Variants in OOEP observed in about 807,000 individuals in gnomAD.
OOEP encodes oocyte-expressed protein homolog.
OOEP carries 16 observed loss-of-function variants against 13.7 expected under a neutral mutation model. The ratio of observed to expected loss-of-function variants is 1.16; its 90% confidence interval spans 0.79 to 1.77. The LOEUF (loss-of-function observed/expected upper bound fraction) is 1.77, where lower values mean the gene tolerates loss of function less well. OOEP is among the 40% of genes most tolerant of loss of function. The pLI, the probability that OOEP is intolerant of heterozygous loss-of-function variation, is 0.00. For missense variants in OOEP, 195 were observed against 193.1 expected (o/e 1.01, Z -0.06); for synonymous variants, 89 against 77.1 (o/e 1.15, Z -0.81).
intron 2 of OOEP, among the ~76,000 whole-genome samples, chr6:73,375,665 A>G (rs1044073652): frequency 6.7e-6 from 1 of 149,638 alleles, no homozygotes; most frequent in African/African-American, 2.5e-5. Context: ...ATATAACTAT[A>G]TCCTGAGAGA....
At chr6:73,390,519 T>C in intron 2 of OOEP, among the ~76,000 whole-genome samples, 1 of 152,214 alleles carries the variant, frequency 6.6e-6, no homozygotes, top group Middle Eastern at 3.4e-3. Flanking sequence ...GTTATTCTAC[T>C]TTATTATTTT....
intron 1 of OOEP, chr6:73,394,506 A>T (rs898513030): frequency 3.2e-6 from 2 of 615,542 alleles, no homozygotes; most frequent in Non-Finnish European, 5.7e-6. Flanking sequence ...AAAAGAAAAA[A>T]AAAAGTTTCC....
chr6:73,383,399 G>A (rs1769233323), intron 2 of OOEP, among the ~76,000 whole-genome samples: 1 of 152,202 alleles, frequency 6.6e-6, no homozygotes, highest in Non-Finnish European at 1.5e-5. Flanking sequence ...ACTTTGGTAG[G>A]CCGAGGTGGG....
intron 2 of OOEP, chr6:73,387,498 G>A (rs1006622354): frequency 6.6e-6 from 1 of 152,064 alleles, no homozygotes; most frequent in African/African-American, 2.4e-5. Flanking sequence ...TGAGTGACAA[G>A]AGCAAAACTC....
intron 2 of OOEP, chr6:73,394,308 TTA>T: frequency 1.4e-6 from 1 of 714,556 alleles, no homozygotes; most frequent in Non-Finnish European, 2.6e-6. Flanking sequence ...TTCAAGTTTT[TTA>T]TGTGTGGATT....
chr6:73,377,690 CAG>C (rs776330072), intron 2 of OOEP, among the ~76,000 whole-genome samples: 3 of 152,134 alleles, frequency 2.0e-5, no homozygotes, highest in African/African-American at 7.2e-5. Context: ...CATTCATTGA[CAG>C]AGTCTTACTC....
At chr6:73,375,180 G>A (rs139019289) in intron 2 of OOEP, among the ~76,000 whole-genome samples, 69 of 152,244 alleles carry the variant, frequency 4.5e-4, no homozygotes, top group African/African-American at 1.6e-3. Flanking sequence ...AGTAGCTTTG[G>A]TTGTATTTAA....
At chr6:73,380,827 G>A (rs1156988872) in intron 2 of OOEP, among the ~76,000 whole-genome samples, 2 of 151,934 alleles carry the variant, frequency 1.3e-5, no homozygotes, top group Non-Finnish European at 2.9e-5. Flanking sequence ...AGAAGATGAA[G>A]TAAGTTGAGT....
At chr6:73,371,757 A>AAT (rs1562277203), upstream of OOEP, among the ~76,000 whole-genome samples, 1 of 71,408 alleles carries the variant, frequency 1.4e-5, no homozygotes, top group African/African-American at 4.4e-5. Flanking sequence ...TCTCAAAAAT[A>AAT]AAAAAAAATA....
upstream of OOEP, among the ~76,000 whole-genome samples, chr6:73,371,385 TTGAG>T (rs1318803945): frequency 3.3e-5 from 5 of 151,968 alleles, no homozygotes; most frequent in Non-Finnish European, 7.4e-5. Context: ...GGAGGATCAC[TTGAG>T]GTCAGGAGTT....
At chr6:73,369,472 G>C (rs1421221448) in intron 1 of OOEP, 87 bp from the exon 2 acceptor site, 8 of 1,499,870 alleles carry the variant, frequency 5.3e-6, no homozygotes, top group Non-Finnish European at 7.3e-6. Flanking sequence ...GGGAAGGGAA[G>C]AACTGGAAGG....
chr6:73,375,917 G>A (rs533087475), intron 2 of OOEP, among the ~76,000 whole-genome samples: 60 of 150,562 alleles, frequency 4.0e-4, no homozygotes, highest in Admixed American at 6.0e-4. Context: ...TCAGCCTCCC[G>A]AGTAGCTGGG....
At position 73,378,400 on chromosome 6, in the gene OOEP, G is replaced by C. The variant is rs118051120; in HGVS notation, c.26-9015C>G. On this transcript the variant is annotated intron_variant, in intron 2 of 3. Coordinates refer to the OOEP transcript ENST00000370363. ...GATTATAGGCCTGAGCCACTGGGCC[G>C]AGCTACAAACTCTAAGATCATCTGA... Among the ~76,000 whole-genome samples the C allele has an allele frequency of 8.7e-3, 1,328 of 151,922 alleles. 3 individuals carry two copies. Among genetic ancestry groups the C allele is most frequent in the Middle Eastern group, 0.034 (10 of 294 alleles).
intron 2 of OOEP, among the ~76,000 whole-genome samples, chr6:73,393,769 C>T (rs1056235149): frequency 1.3e-5 from 2 of 152,040 alleles, no homozygotes; most frequent in African/African-American, 2.4e-5. Flanking sequence ...AGTGAGTGAT[C>T]GCACCACTGC....
upstream of OOEP, among the ~76,000 whole-genome samples, chr6:73,371,558 G>T (rs1769056539): frequency 6.6e-6 from 1 of 152,060 alleles, no homozygotes; most frequent in African/African-American, 2.4e-5. Flanking sequence ...AGACCAGCCT[G>T]ACCAACATGG....
chr6:73,394,236 C>T (rs1035297475), intron 2 of OOEP: 5 of 652,118 alleles, frequency 7.7e-6, no homozygotes, highest in South Asian at 5.2e-5. Context: ...CTAAAATAAG[C>T]GTAAATGTAT....
At position 73,394,616 on chromosome 6, in the gene OOEP, TG is replaced by T. The variant is rs537622156; in HGVS notation, c.-119+102del. On this transcript the variant is annotated intron_variant, in intron 1 of 3. Coordinates refer to the OOEP transcript ENST00000370363. The stretch of plus-strand genomic sequence containing the variant: ...CCCACGCCTGGAAAGGAATACACAG[TG>T]GGGGGGTGGGGGGCGGGGCACATCG... 2.6e-3 allele frequency: 652 copies of T among 251,320 alleles called. 6 individuals are homozygous for T. Among genetic ancestry groups the T allele is most frequent in the African/African-American group, 0.021 (592 of 28,224 alleles). The allele number at this position is 251,320 out of a possible 1,614,324, so 15.6% of individuals were successfully genotyped here. A position where few individuals can be genotyped will look rare whatever the true frequency, so the allele number is the denominator to read the frequency against.
intron 2 of OOEP, among the ~76,000 whole-genome samples, chr6:73,382,879 G>C (rs1434682885): frequency 9.1e-6 from 1 of 109,560 alleles, no homozygotes; most frequent in African/African-American, 3.5e-5. Flanking sequence ...TTTTGAGACA[G>C]AGTCTGACTC....
At chr6:73,374,144 C>G (rs556397379), upstream of OOEP, among the ~76,000 whole-genome samples, 22 of 152,056 alleles carry the variant, frequency 1.4e-4, no homozygotes, top group Non-Finnish European at 3.1e-4. Flanking sequence ...GCTATGATTG[C>G]ACCACTGCAC....
Sources: gnomAD v4.1 joint callset for allele counts (sites outside exome capture counted in the v4.1 genomes callset) on GRCh38, gnomAD v4.1.1 for gene constraint, MANE v1.5 for transcripts, NCBI Gene and HGNC (gene_info 2026-07-23, HGNC 2026-07-21) for gene names.